EDARADD: variants seen among roughly 807,000 people sequenced by gnomAD.
EDARADD encodes EDAR associated via death domain.
In EDARADD, 20 loss-of-function variants were observed where a neutral mutation model predicts 25.6. That is an observed-to-expected ratio of 0.78 (90% CI 0.55 to 1.14). The LOEUF is 1.14. Ranked by LOEUF, EDARADD falls within the 50% of genes most tolerant of loss-of-function variation. The probability of loss-of-function intolerance (pLI) is 0.00; values close to 1 mark genes in which losing one functional copy is unlikely to be tolerated. For missense variants in EDARADD, 225 were observed against 270.1 expected, an observed-to-expected ratio of 0.83 and a Z score of 1.17; for synonymous variants, 86 against 94.4, an observed-to-expected ratio of 0.91 and a Z score of 0.52.
At chr1:236,458,436 A>G (rs1191289135) in intron 4 of EDARADD, among the ~76,000 whole-genome samples, 11 of 152,174 alleles carry the variant, frequency 7.2e-5, no homozygotes, top group Non-Finnish European at 1.5e-5. Flanking sequence ...ATATTTCTAT[A>G]TAGGTGTGAA....
Position 236,367,667 on chromosome 1 carries a change from A to G in EDARADD, c.-6+16828A>G, listed in dbSNP as rs184713746. ...GGTGTGAGTCACCATGCCCAGCCAC[A>G]ATATTTTTCAAACCCTAAAATGAGA... On this transcript the variant is annotated intron_variant, in intron 3 of 7. Coordinates refer to the EDARADD transcript ENST00000439430. 1.1e-3 allele frequency among the ~76,000 whole-genome samples: 175 copies of G among 152,278 alleles called. 4 individuals carry two copies. The South Asian group carries it at 0.02, about 18-fold the overall frequency.
intron 3 of EDARADD, among the ~76,000 whole-genome samples, chr1:236,366,176 A>G (rs893910956): frequency 2.0e-5 from 3 of 152,196 alleles, no homozygotes; most frequent in African/African-American, 4.8e-5. Context: ...GCTGCCAGAC[A>G]TTGTGACTTT....
In EDARADD at chr1:236,483,772, A is replaced by G. The variant is rs1659751586; in HGVS notation, c.*1123A>G. The G allele has an allele frequency of 6.8e-7, 1 of 1,479,812 alleles. No homozygotes were observed. The highest frequency in any genetic ancestry group is 2.3e-5 in the East Asian group (1 of 44,060). 91.7% of individuals were successfully genotyped at this position (1,479,812 alleles called of 1,614,324 possible). A position where few individuals can be genotyped will look rare whatever the true frequency, so the allele number is the denominator to read the frequency against. Reference sequence around the variant, plus strand: ...GTCATCAAGGAGAAATATGGGAAAGATGCCACCGGTGTGGGGGATGGAGGC... The same window carrying G: ...GTCATCAAGGAGAAATATGGGAAAGGTGCCACCGGTGTGGGGGATGGAGGC... On this transcript the variant is annotated 3_prime_UTR_variant, in exon 6 of 6. Coordinates refer to ENST00000334232, the MANE Select transcript of EDARADD (RefSeq NM_145861.4).
In EDARADD at chr1:236,395,387, C is replaced by T; in HGVS notation, c.61+882C>T. The T allele has an allele frequency of 2.9e-6, 4 of 1,400,814 alleles. No homozygotes were observed. The highest frequency in any genetic ancestry group is 3.7e-6 in the Non-Finnish European group (4 of 1,075,384). The allele number at this position is 1,400,814 out of a possible 1,614,324, so 86.8% of individuals were successfully genotyped here. ...GCCCCGCGCCTCTGGAGGGAGGTAC[C>T]GAGGGACGCGCAGCGAAGGGGCTTT... On this transcript the variant is annotated intron_variant, in intron 1 of 5. Transcript: ENST00000334232. The surrounding 1 kb of genome is among the most constrained non-coding windows in gnomAD (Gnocchi z 6.9).
chr1:236,385,270 G>A (rs895376912), intron 3 of EDARADD, among the ~76,000 whole-genome samples: 1 of 151,718 alleles, frequency 6.6e-6, no homozygotes, highest in African/African-American at 2.4e-5. Context: ...TTAGCCAGGC[G>A]TGGTGGTGGG....
At chr1:236,380,462 A>G (rs1188027460) in intron 3 of EDARADD, among the ~76,000 whole-genome samples, 1 of 152,200 alleles carries the variant, frequency 6.6e-6, no homozygotes, top group Non-Finnish European at 1.5e-5. Flanking sequence ...TGTGTGAAAC[A>G]TGGTTTGTTG....
intron 1 of EDARADD, among the ~76,000 whole-genome samples, 164 bp downstream of exon 1, chr1:236,394,669 A>C (rs1667483055): frequency 6.6e-6 from 1 of 152,230 alleles, no homozygotes; most frequent in Non-Finnish European, 1.5e-5. Flanking sequence ...GCAGAGAAAG[A>C]TTATTTAGAG....
At chr1:236,351,095 C>T (rs1232192328) in intron 3 of EDARADD, among the ~76,000 whole-genome samples, 2 of 152,030 alleles carry the variant, frequency 1.3e-5, no homozygotes, top group African/African-American at 2.4e-5. Flanking sequence ...GCCATGATTA[C>T]ACCACTGCAC....
rs1667564344 is a variant in EDARADD at position 236,398,743 on chromosome 1, C to T, written c.61+4238C>T. ...TCTACTTAACCTCCAGATTTCAGCT[C>T]ATAGGTCACCGGGATCCAGCCCGAT... On this transcript the variant is annotated intron_variant, in intron 1 of 5. Transcript: ENST00000334232. The surrounding 1 kb of genome is among the most constrained non-coding windows in gnomAD (Gnocchi z 4.1). Among the ~76,000 whole-genome samples the T allele has an allele frequency of 6.6e-6, 1 of 152,234 alleles. No individual in the cohort carries two copies. The highest frequency in any genetic ancestry group is 1.5e-5 in the Non-Finnish European group (1 of 68,044).
At chr1:236,455,852 C>T (rs545303994) in intron 4 of EDARADD, among the ~76,000 whole-genome samples, 46 of 152,284 alleles carry the variant, frequency 3.0e-4, no homozygotes, top group Non-Finnish European at 4.6e-4. Flanking sequence ...AGCAGTTGCG[C>T]GATCTTTGCT....
chr1:236,385,350 A>AG (rs1354048336), intron 3 of EDARADD, among the ~76,000 whole-genome samples: 1 of 142,614 alleles, frequency 7.0e-6, no homozygotes, highest in African/African-American at 2.6e-5. Flanking sequence ...TGGAGCTTGC[A>AG]GTGAGCCGAG....
Position 236,414,287 on chromosome 1 carries a change from G to A in EDARADD, c.148G>A (p.Glu50Lys), listed in dbSNP as rs1486308538. 2 of 1,610,618 alleles carry A rather than the reference G, an allele frequency of 1.2e-6. No homozygotes were observed. The highest frequency in any genetic ancestry group is 1.3e-5 in the African/African-American group (1 of 74,798). ...MSDKYPIQDTELPKAEECDTI... is the reference protein window; with the variant it reads ...MSDKYPIQDTKLPKAEECDTI... ...AGACAAATATCCCATTCAAGATACG[G>A]AACTCCCTAAAGGTATGTACAGTTA... The change falls in exon 3 of 6, where the codon GAA becomes AAA. Residue 50 changes from glutamate to lysine, a missense_variant. Coordinates refer to ENST00000334232, the MANE Select transcript of EDARADD (RefSeq NM_145861.4).
At chr1:236,452,196 C>T (rs1414893465) in intron 4 of EDARADD, among the ~76,000 whole-genome samples, 1 of 152,214 alleles carries the variant, frequency 6.6e-6, no homozygotes, top group Non-Finnish European at 1.5e-5. Flanking sequence ...GATCTTGACG[C>T]CCTCATCACT....
At position 236,482,736 on chromosome 1, in the gene EDARADD, T is replaced by G; in HGVS notation, c.*87T>G. On this transcript the variant is annotated 3_prime_UTR_variant, in exon 6 of 6. Transcript: ENST00000334232. ...ATGTGAATCTGTTGTTTTATAAGAG[T>G]TTAGGACAAGGACGTGGAACAGTGG... The G allele has an allele frequency of 6.3e-7, 1 of 1,590,080 alleles. No homozygotes were observed. The highest frequency in any genetic ancestry group is 8.5e-7 in the Non-Finnish European group (1 of 1,172,140).
intron 1 of EDARADD, among the ~76,000 whole-genome samples, chr1:236,405,819 T>TCCCTTC (rs371362100): frequency 8.1e-6 from 1 of 123,442 alleles, no homozygotes; most frequent in African/African-American, 3.4e-5. Context: ...TTTCCTTCCT[T>TCCCTTC]CCTTTCCTTC....
At chr1:236,360,547 T>TTG (rs1022105038) in intron 3 of EDARADD, among the ~76,000 whole-genome samples, 14 of 140,744 alleles carry the variant, frequency 9.9e-5, no homozygotes, top group Non-Finnish European at 1.9e-4. Flanking sequence ...GTTTTTTTTT[T>TTG]TTTTTTTTTT....
chr1:236,472,195 A>G (rs559083460), intron 5 of EDARADD, among the ~76,000 whole-genome samples: 1 of 152,300 alleles, frequency 6.6e-6, no homozygotes, highest in East Asian at 1.9e-4. Flanking sequence ...AGCCCTGTGT[A>G]TCTGAGAACT....
At chr1:236,418,384 A>G (rs950968843) in intron 3 of EDARADD, among the ~76,000 whole-genome samples, 1 of 151,882 alleles carries the variant, frequency 6.6e-6, no homozygotes, top group Non-Finnish European at 1.5e-5. Flanking sequence ...AGCTGGGACT[A>G]CAGGCGACCA....
At chr1:236,376,213 G>C (rs145483577) in intron 3 of EDARADD, among the ~76,000 whole-genome samples, 1 of 152,110 alleles carries the variant, frequency 6.6e-6, no homozygotes, top group Non-Finnish European at 1.5e-5. Context: ...GGGATTATGG[G>C]AGTGAGCCAC....
Sources: gnomAD v4.1 joint callset for allele counts (sites outside exome capture counted in the v4.1 genomes callset) on GRCh38, gnomAD v4.1.1 for gene constraint, Gnocchi (gnomAD v3.1) non-coding constraint, MANE v1.5 for transcripts, NCBI Gene and HGNC (gene_info 2026-07-23, HGNC 2026-07-21) for gene names.